Variants in PRKG1 observed in about 807,000 individuals in gnomAD.
The protein encoded by PRKG1 is cGMP-dependent protein kinase 1.
A neutral mutation model predicts 88.1 loss-of-function variants in PRKG1; 35 were observed. That is an observed-to-expected ratio of 0.40 (90% confidence interval 0.30 to 0.53). The LOEUF is 0.53. PRKG1 is among the 20% of genes least tolerant of loss of function. PRKG1 has a pLI of 0.59. For synonymous variants in PRKG1, 303 were observed against 292.5 expected (o/e 1.04, Z -0.37); for missense variants, 540 against 839.8 (o/e 0.64, Z 4.41).
At chr10:51,026,551 A>G (rs1048172752) in intron 1 of PRKG1, among the ~76,000 whole-genome samples, 2 of 152,122 alleles carry the variant, frequency 1.3e-5, no homozygotes, top group African/African-American at 4.8e-5. Flanking sequence ...TTCTTTATTC[A>G]TGGGAATAAG....
chr10:52,255,775 G>A (rs1026591882), intron 10 of PRKG1, among the ~76,000 whole-genome samples: 1 of 151,886 alleles, frequency 6.6e-6, no homozygotes, highest in Non-Finnish European at 1.5e-5. Flanking sequence ...GAGAGTTAAG[G>A]CATCAACATA....
chr10:51,001,024 T>A (rs1356224160), intron 1 of PRKG1, among the ~76,000 whole-genome samples: 1 of 152,254 alleles, frequency 6.6e-6, no homozygotes, highest in Non-Finnish European at 1.5e-5. Context: ...GTGGTTTTCA[T>A]GAAATATATT....
At chr10:51,099,384 GACACACACAC>G (rs71459403) in intron 1 of PRKG1, among the ~76,000 whole-genome samples, 6 of 148,788 alleles carry the variant, frequency 4.0e-5, no homozygotes, top group Non-Finnish European at 7.4e-5. Flanking sequence ...CAGCATTCAA[GACACACACAC>G]ACACACACAC....
At chr10:51,756,846 A>G (rs1837880865) in intron 3 of PRKG1, among the ~76,000 whole-genome samples, 1 of 151,674 alleles carries the variant, frequency 6.6e-6, no homozygotes, top group South Asian at 2.1e-4. Flanking sequence ...TAAAATAATA[A>G]TTAAAAAATA....
intron 1 of PRKG1, among the ~76,000 whole-genome samples, chr10:51,084,065 A>G (rs570323357): frequency 6.6e-6 from 1 of 152,310 alleles, no homozygotes; most frequent in South Asian, 2.1e-4. Context: ...CTAAAATATG[A>G]AAATGTATTC....
At chr10:51,066,651 T>G (rs1004402088) in intron 1 of PRKG1, among the ~76,000 whole-genome samples, 3 of 152,178 alleles carry the variant, frequency 2.0e-5, no homozygotes, top group African/African-American at 4.8e-5. Context: ...ACAATGTATA[T>G]ATTTACCATT....
At position 51,394,135 on chromosome 10, in the gene PRKG1, G is replaced by A. The variant is rs186975081; in HGVS notation, c.479-73588G>A. Among the ~76,000 whole-genome samples, 5 of 152,226 alleles carry A rather than the reference G, an allele frequency of 3.3e-5. No homozygotes were observed. In the East Asian group the frequency reaches 7.7e-4, roughly 24 times the overall value. On this transcript the variant is annotated intron_variant, in intron 2 of 17. Coordinates refer to ENST00000373980, the MANE Select transcript of PRKG1 (RefSeq NM_006258.4). ...CTAACAAACCACTCCAAAACTTACC[G>A]GCTTCTAAAAACAATCACTTTATTA...
intron 8 of PRKG1, among the ~76,000 whole-genome samples, chr10:52,146,288 A>T (rs1199489971): frequency 6.6e-6 from 1 of 152,194 alleles, no homozygotes; most frequent in East Asian, 1.9e-4. Context: ...TACCATTCAA[A>T]GGGAATTACT....
chr10:51,330,125 ATTTATTT>A (rs1337082160), intron 2 of PRKG1, among the ~76,000 whole-genome samples: 1 of 139,770 alleles, frequency 7.2e-6, no homozygotes, highest in Non-Finnish European at 1.6e-5. Flanking sequence ...TTATTTATTT[ATTTATTT>A]ATTTATTTAT....
At chr10:51,232,659 A>C (rs1447447639) in intron 2 of PRKG1, among the ~76,000 whole-genome samples, 1 of 152,166 alleles carries the variant, frequency 6.6e-6, no homozygotes, top group Non-Finnish European at 1.5e-5. Flanking sequence ...AATGGAAAAA[A>C]AAATTCTTGA....
chr10:51,965,734 GA>G lies in PRKG1; in HGVS notation c.762+58171del, dbSNP rs529038480. ...TGAAAGTATTTACAAATTCCAATAT[GA>G]AAAAAATTACAATTGAGAATATCCT... On this transcript the variant is annotated intron_variant, in intron 5 of 17. Transcript: ENST00000373980. Among the ~76,000 whole-genome samples, 922 of 152,170 alleles carry G rather than the reference GA, an allele frequency of 6.1e-3. 4 individuals carry two copies. The highest frequency in any genetic ancestry group is 0.02 in the African/African-American group (812 of 41,526).
In PRKG1 at chr10:51,367,945, A is replaced by G. The variant is rs143628102; in HGVS notation, c.479-99778A>G. On this transcript the variant is annotated intron_variant, in intron 2 of 17. Coordinates refer to ENST00000373980, the MANE Select transcript of PRKG1 (RefSeq NM_006258.4). Reference sequence around the variant, plus strand: ...CCCCTCTGCCCAGCCAAACCAGTCTACAAACTGTTTTACAGGGCTTCCCTC... The same window carrying G: ...CCCCTCTGCCCAGCCAAACCAGTCTGCAAACTGTTTTACAGGGCTTCCCTC... 8.7e-4 allele frequency among the ~76,000 whole-genome samples: 133 copies of G among 152,056 alleles called. 1 individual carries two copies. Among genetic ancestry groups the G allele is most frequent in the African/African-American group, 2.7e-3 (114 of 41,518 alleles).
chr10:51,657,565 T>C (rs1840192437), intron 3 of PRKG1, among the ~76,000 whole-genome samples: 1 of 152,166 alleles, frequency 6.6e-6, no homozygotes, highest in African/African-American at 2.4e-5. Flanking sequence ...CAGAAGGTTT[T>C]GTAGTAAAGT....
chr10:51,553,411 A>G (rs186944082), intron 3 of PRKG1, among the ~76,000 whole-genome samples: 1 of 151,768 alleles, frequency 6.6e-6, no homozygotes, highest in East Asian at 1.9e-4. Flanking sequence ...AACTGTCATA[A>G]TTAAGGTGAA....
intron 2 of PRKG1, among the ~76,000 whole-genome samples, chr10:51,276,774 T>C (rs867929492): frequency 3.9e-5 from 6 of 152,346 alleles, no homozygotes; most frequent in Middle Eastern, 3.4e-3. Context: ...TTTTGAGAAG[T>C]GTCTGTTCAT....
At chr10:52,159,838 T>C (rs1838232200) in intron 8 of PRKG1, among the ~76,000 whole-genome samples, 1 of 151,908 alleles carries the variant, frequency 6.6e-6, no homozygotes, top group Non-Finnish European at 1.5e-5. Context: ...CACAATCTCT[T>C]AATATATTGA....
rs137937030 is a variant in PRKG1 at position 51,587,594 on chromosome 10, G to A, written c.592+119758G>A. Among the ~76,000 whole-genome samples the A allele has an allele frequency of 2.5e-3, 374 of 152,254 alleles. 6 individuals carry two copies. The highest frequency in any genetic ancestry group is 6.9e-4 in the Non-Finnish European group (47 of 68,008). On this transcript the variant is annotated intron_variant, in intron 3 of 17. Transcript: ENST00000373980. ...ACAATATTTGTATAGTGTTACTTTA[G>A]TATTAAATATTGTATAGCTTCACAT...
intron 7 of PRKG1, among the ~76,000 whole-genome samples, chr10:52,071,245 A>G (rs1846488921): frequency 6.6e-6 from 1 of 152,096 alleles, no homozygotes; most frequent in Non-Finnish European, 1.5e-5. Context: ...CCATGGCCCA[A>G]GTAGGGAACA....
chr10:51,891,742 A>C (rs1301026305), intron 4 of PRKG1, among the ~76,000 whole-genome samples: 1 of 152,158 alleles, frequency 6.6e-6, no homozygotes, highest in Non-Finnish European at 1.5e-5. Flanking sequence ...CTGCCACTGT[A>C]CCCTAAAAGC....
Sources: allele counts gnomAD v4.1 joint callset (sites outside exome capture counted in the v4.1 genomes callset), GRCh38; gene constraint gnomAD v4.1.1; transcripts MANE v1.5; gene names NCBI Gene and HGNC (gene_info 2026-07-23, HGNC 2026-07-21).